The following WNT7A variants were observed in gnomAD, a reference collection of about 807,000 sequenced individuals.
The protein encoded by WNT7A is protein Wnt-7a.
Under a neutral mutation model 28.2 loss-of-function variants are expected in WNT7A, and 16 were observed. That is an observed-to-expected ratio of 0.57 (90% CI 0.38 to 0.86). The LOEUF (loss-of-function observed/expected upper bound fraction) is 0.86, where lower values mean the gene tolerates loss of function less well. Among genes scored for constraint, WNT7A ranks in the 40% least tolerant of loss-of-function variants. The pLI, the probability that WNT7A is intolerant of heterozygous loss-of-function variation, is 0.00. For missense variants in WNT7A, 411 were observed against 489.7 expected (o/e 0.84, Z 1.52); for synonymous variants, 190 against 195.9 (o/e 0.97, Z 0.25).
chr3:13,868,953 TGGAA>T (rs149196531), intron 2 of WNT7A, among the ~76,000 whole-genome samples: 895 of 67,732 alleles, frequency 0.013, 9 homozygotes, highest in African/African-American at 0.05. Flanking sequence ...AGAGAGAGAA[TGGAA>T]GGAAGGAAGG....
At chr3:13,830,473 C>T (rs182912431) in intron 3 of WNT7A, among the ~76,000 whole-genome samples, 2 of 152,310 alleles carry the variant, frequency 1.3e-5, no homozygotes, top group Admixed American at 1.3e-4. Flanking sequence ...AACACGGGTC[C>T]ATCATCCTCT....
intron 2 of WNT7A, among the ~76,000 whole-genome samples, chr3:13,856,865 G>GGAA (rs1559303089): frequency 9.8e-5 from 9 of 92,108 alleles, no homozygotes; most frequent in Admixed American, 4.5e-4. Context: ...AAGAGGAAGA[G>GGAA]GAAGAGGAAG....
At chr3:13,825,966 C>G (rs1452153268) in intron 3 of WNT7A, among the ~76,000 whole-genome samples, 2 of 152,230 alleles carry the variant, frequency 1.3e-5, no homozygotes, top group Admixed American at 1.3e-4. Context: ...CCAGGTCATT[C>G]ACCTTGAAAT....
chr3:13,878,671 G>A (rs1457515534), intron 1 of WNT7A, among the ~76,000 whole-genome samples: 1 of 152,146 alleles, frequency 6.6e-6, no homozygotes, highest in Non-Finnish European at 1.5e-5. Flanking sequence ...GGTCTGCCAC[G>A]CACATCCCCT....
rs1553575192 is a variant in WNT7A at position 13,856,957 on chromosome 3, A to AAGAAGG, written c.299-2155_299-2154insCCTTCT. On this transcript the variant is annotated intron_variant, in intron 2 of 3. Coordinates refer to ENST00000285018, the MANE Select transcript of WNT7A (RefSeq NM_004625.4). Reference sequence around the variant, plus strand: ...GAAGAAGAAGAAGAAGAAGAAGAAGAAGAAGAAGAAGGAGAAGAAGAAGAA... The same window carrying AAGAAGG: ...GAAGAAGAAGAAGAAGAAGAAGAAGAAGAAGGAGAAGAAGAAGGAGAAGAAGAAGAA... Among the ~76,000 whole-genome samples, 116 of 105,746 alleles carry AAGAAGG rather than the reference A, an allele frequency of 1.1e-3. 1 individual carries two copies. Among genetic ancestry groups the AAGAAGG allele is most frequent in the South Asian group, 3.6e-3 (11 of 3,016 alleles). 69.4% of individuals were successfully genotyped at this position (105,746 alleles called of 152,430 possible).
intron 2 of WNT7A, 37 bp from the exon 3 acceptor site, chr3:13,854,840 A>G (rs1349034962): frequency 6.2e-7 from 1 of 1,609,208 alleles, no homozygotes; most frequent in Non-Finnish European, 8.5e-7. Flanking sequence ...AGTTGGGGTC[A>G]GGTCCCAAGC....
chr3:13,833,599 C>T (rs917125920), intron 3 of WNT7A, among the ~76,000 whole-genome samples: 1 of 152,244 alleles, frequency 6.6e-6, no homozygotes, highest in Non-Finnish European at 1.5e-5. Flanking sequence ...GCCTCTCTCT[C>T]ATAAGTGACC....
At position 13,818,792 on chromosome 3, in the gene WNT7A, T is replaced by C. The variant is rs1213104586; in HGVS notation, c.*152A>G. On this transcript the variant is annotated 3_prime_UTR_variant, in exon 4 of 4. Coordinates refer to ENST00000285018, the MANE Select transcript of WNT7A (RefSeq NM_004625.4). ...GTTGAGGGCTCTGAGAGATTTTTTT[T>C]CCCCCACGGATGCCTGCAGGAAACC... The C allele has an allele frequency of 6.7e-6, 8 of 1,199,854 alleles. No individual in the cohort carries two copies. The highest frequency in any genetic ancestry group is 5.2e-5 in the East Asian group (2 of 38,524). The allele number at this position is 1,199,854 out of a possible 1,614,324, so 74.3% of individuals were successfully genotyped here. A position where few individuals can be genotyped will look rare whatever the true frequency, so the allele number is the denominator to read the frequency against.
Position 13,819,237 on chromosome 3 carries a change from T to A in WNT7A, c.757A>T (p.Lys253Ter). The change falls in exon 4 of 4, where the codon AAG becomes TAG. Residue 253 changes from lysine to a stop codon, truncating the protein, a stop_gained. Transcript: ENST00000285018. LOFTEE classifies it high-confidence loss of function. ...CGGTACGACAGTGGCTTCTTGATCT[T>A]CAGGAAGGTGGGCCGCTTGTTGCGG... ...ASRNKRPTFL[K>*]IKKPLSYRKP... is the part of the protein sequence containing the mutation. 1 of 1,614,230 alleles carries A rather than the reference T, an allele frequency of 6.2e-7. No individual in the cohort carries two copies. Among genetic ancestry groups the A allele is most frequent in the Non-Finnish European group, 8.5e-7 (1 of 1,180,042 alleles).
intron 3 of WNT7A, among the ~76,000 whole-genome samples, chr3:13,826,079 G>A (rs902836578): frequency 1.3e-5 from 2 of 152,164 alleles, no homozygotes; most frequent in Non-Finnish European, 2.9e-5. Context: ...TTTCACTCAT[G>A]CACCTGTTTC....
At chr3:13,853,714 C>T (rs992265516) in intron 3 of WNT7A, among the ~76,000 whole-genome samples, 4 of 152,234 alleles carry the variant, frequency 2.6e-5, no homozygotes, top group African/African-American at 7.2e-5. Flanking sequence ...CTGTGTGGCT[C>T]ACAGAACACA....
At chr3:13,819,498 C>G in intron 3 of WNT7A, 75 bp from the exon 4 acceptor site, 2 of 1,500,198 alleles carry the variant, frequency 1.3e-6, no homozygotes, top group East Asian at 2.4e-5. Flanking sequence ...CAGCTCCCCC[C>G]CGCCCCCCAC....
At chr3:13,826,880 G>C (rs1405811698) in intron 3 of WNT7A, among the ~76,000 whole-genome samples, 7 of 152,210 alleles carry the variant, frequency 4.6e-5, no homozygotes, top group Admixed American at 4.6e-4. Flanking sequence ...ATTAACTAAG[G>C]CCTAATGCCC....
intron 3 of WNT7A, 62 bp downstream of exon 3, chr3:13,854,470 C>T: frequency 6.8e-6 from 11 of 1,610,916 alleles, no homozygotes; most frequent in Non-Finnish European, 9.3e-6. Context: ...CCAGATGTTA[C>T]AAACAAGCCA....
At position 13,869,162 on chromosome 3, in the gene WNT7A, A is replaced by C. The variant is rs541759610; in HGVS notation, c.298+5785T>G. On this transcript the variant is annotated intron_variant, in intron 2 of 3. Transcript: ENST00000285018. Reference sequence around the variant, plus strand: ...GAAGGAAGGAAGGAAAGAAGGAAGGACGGAAAAGAGAGAATGGAAGGAAGG... The same window carrying C: ...GAAGGAAGGAAGGAAAGAAGGAAGGCCGGAAAAGAGAGAATGGAAGGAAGG... Among the ~76,000 whole-genome samples, 26 of 142,360 alleles carry C rather than the reference A, an allele frequency of 1.8e-4. No individual in the cohort carries two copies. In the East Asian group the frequency reaches 5.4e-3, roughly 30 times the overall value. 93.4% of individuals were successfully genotyped at this position (142,360 alleles called of 152,430 possible). A position where few individuals can be genotyped will look rare whatever the true frequency, so the allele number is the denominator to read the frequency against.
intron 2 of WNT7A, 31 bp from the exon 3 acceptor site, chr3:13,854,834 G>A (rs1694704831): frequency 6.2e-7 from 1 of 1,609,766 alleles, no homozygotes; most frequent in Non-Finnish European, 8.5e-7. Context: ...GAGACAAGTT[G>A]GGGTCAGGTC....
In WNT7A at chr3:13,879,825, T is replaced by C. The variant is rs779369205; in HGVS notation, c.-9A>G. The C allele has an allele frequency of 6.8e-6, 11 of 1,608,976 alleles. No homozygotes were observed. The East Asian group carries it at 2.0e-4, about 29-fold the overall frequency. On this transcript the variant is annotated 5_prime_UTR_variant, in exon 1 of 4. Transcript: ENST00000285018. ...CGCGCTTTCCGGTTCATAGTCCCGA[T>C]TGGCCGCCGGGGCCGCGGGCCGGGC... is the stretch of plus-strand genomic sequence containing the variant.
chr3:13,847,981 T>C (rs538943811), intron 3 of WNT7A, among the ~76,000 whole-genome samples: 1 of 152,318 alleles, frequency 6.6e-6, no homozygotes, highest in African/African-American at 2.4e-5. Context: ...GCCAAGTATA[T>C]TTTATCACAA....
In WNT7A at chr3:13,879,801, G is replaced by T. The variant is rs768000316; in HGVS notation, c.16C>A (p.Arg6=). The change falls in exon 1 of 4, where the codon CGG becomes AGG. Residue 6 remains arginine, a synonymous_variant. Transcript: ENST00000285018. MNRKA[R]RCLGHLFLSL... is the part of the protein sequence containing the mutation. The stretch of plus-strand genomic sequence containing the variant: ...AGAAAGAGGTGGCCCAGGCAGCGCC[G>T]CGCTTTCCGGTTCATAGTCCCGATT... The T allele has an allele frequency of 4.3e-6, 7 of 1,611,920 alleles. No individual in the cohort carries two copies. The Admixed American group carries it at 5.0e-5, about 12-fold the overall frequency.
Sources: gnomAD v4.1 joint callset for allele counts (sites outside exome capture counted in the v4.1 genomes callset) on GRCh38, gnomAD v4.1.1 for gene constraint, MANE v1.5 for transcripts, NCBI Gene and HGNC (gene_info 2026-07-23, HGNC 2026-07-21) for gene names.